Variants in NCAPD2 observed in about 807,000 individuals in gnomAD.
The protein encoded by NCAPD2 is non-SMC condensin I complex subunit D2.
NCAPD2 carries 100 observed loss-of-function variants against 164.5 expected under a neutral mutation model. That is an observed-to-expected ratio of 0.61 (90% CI 0.52 to 0.72). The LOEUF is 0.72. NCAPD2 is among the 30% of genes least tolerant of loss of function. The probability of loss-of-function intolerance (pLI) is 0.00; values close to 1 mark genes in which losing one functional copy is unlikely to be tolerated. For synonymous variants in NCAPD2, 585 were observed against 642.6 expected (o/e 0.91, Z 1.36); for missense variants, 1,560 against 1,749.2 (o/e 0.89, Z 1.93).
chr12:6,513,715 C>CTTGTTTTTTTTTTTTTTTTTTTT (rs1946171814), intron 6 of NCAPD2, among the ~76,000 whole-genome samples: 1 of 74,894 alleles, frequency 1.3e-5, no homozygotes, highest in East Asian at 2.8e-4. Context: ...GTGACTTTGT[C>CTTGTTTTTTTTTTTTTTTTTTTT]TTTTTTTTTT....
chr12:6,531,416 G>A lies in NCAPD2; in HGVS notation c.*4G>A, dbSNP rs371000555. The A allele has an allele frequency of 6.8e-6, 11 of 1,613,112 alleles. No homozygotes were observed. Among genetic ancestry groups the A allele is most frequent in the Non-Finnish European group, 8.5e-6 (10 of 1,179,604 alleles). On this transcript the variant is annotated 3_prime_UTR_variant, in exon 32 of 32. Coordinates refer to ENST00000315579, the MANE Select transcript of NCAPD2 (RefSeq NM_014865.4). The surrounding 1 kb of genome is among the most constrained non-coding windows in gnomAD (Gnocchi z 4.1). ...GGCTCGCAGGCACAGATCCTAGGAA[G>A]TCTGTTCCTGTCCTCCCTGTGCAGG...
chr12:6,498,711 G>A (rs1010081787), intron 2 of NCAPD2, among the ~76,000 whole-genome samples: 10 of 151,874 alleles, frequency 6.6e-5, no homozygotes, highest in African/African-American at 2.4e-4. Flanking sequence ...AGGTTCAAGA[G>A]ATTCCCCTGC....
chr12:6,497,562 G>T (rs559257193), intron 2 of NCAPD2, among the ~76,000 whole-genome samples: 217 of 152,090 alleles, frequency 1.4e-3, no homozygotes, highest in African/African-American at 4.8e-3. Context: ...TTGGTTTTCT[G>T]TTCTTGCATT....
chr12:6,500,601 A>G (rs1055357478), intron 2 of NCAPD2, among the ~76,000 whole-genome samples: 2 of 152,222 alleles, frequency 1.3e-5, no homozygotes, highest in African/African-American at 2.4e-5. Flanking sequence ...GGAGCTTATT[A>G]GAAATGCAGG....
At chr12:6,510,293 A>C (rs545975469) in intron 4 of NCAPD2, 160 bp downstream of exon 4, 11 of 860,570 alleles carry the variant, frequency 1.3e-5, no homozygotes, top group Non-Finnish European at 2.2e-5. Flanking sequence ...GGCCTGTTAA[A>C]GGTCTGTAAT....
chr12:6,528,592 A>G lies in NCAPD2; in HGVS notation c.3300-87A>G, dbSNP rs1946339361. 7.0e-7 allele frequency: 1 copy of G among 1,430,926 alleles called. No individual in the cohort carries two copies. The highest frequency in any genetic ancestry group is 1.3e-5 in the South Asian group (1 of 79,692). 88.6% of individuals were successfully genotyped at this position (1,430,926 alleles called of 1,614,324 possible). A position where few individuals can be genotyped will look rare whatever the true frequency, so the allele number is the denominator to read the frequency against. On this transcript the variant is annotated intron_variant, in intron 25 of 31. Coordinates refer to ENST00000315579, the MANE Select transcript of NCAPD2 (RefSeq NM_014865.4). This position sits in a 1 kb window ranked among gnomAD's most constrained non-coding sequence, Gnocchi z 5.1. ...CTTCTGGAGTGGCAGAGCATGGGAT[A>G]ATTGATTCCTGCTGAGGGCCTTTTC...
intron 2 of NCAPD2, among the ~76,000 whole-genome samples, chr12:6,498,565 T>C (rs1316303678): frequency 6.6e-6 from 1 of 152,140 alleles, no homozygotes; most frequent in Non-Finnish European, 1.5e-5. Flanking sequence ...TGCCTACCTA[T>C]GGTAATGTTT....
chr12:6,525,130 C>T lies in NCAPD2; in HGVS notation c.2215-453C>T, dbSNP rs145552796. On this transcript the variant is annotated intron_variant, in intron 17 of 31. Transcript: ENST00000315579. ...ACTGCAGAATGGGCTTAATGGAAGACAAATTTTTAAAGGAAAAATAGTGAC... is the reference window on the plus strand; with the variant it reads ...ACTGCAGAATGGGCTTAATGGAAGATAAATTTTTAAAGGAAAAATAGTGAC... 4.3e-3 allele frequency among the ~76,000 whole-genome samples: 657 copies of T among 152,094 alleles called. 1 individual carries two copies. The highest frequency in any genetic ancestry group is 0.01 in the Middle Eastern group (3 of 294).
Position 6,527,078 on chromosome 12 carries a change from T to G in NCAPD2, c.2907+15T>G, listed in dbSNP as rs1946324517. 1 of 1,594,392 alleles carries G rather than the reference T, an allele frequency of 6.3e-7. No individual in the cohort carries two copies. The highest frequency in any genetic ancestry group is 2.2e-5 in the East Asian group (1 of 44,504). On this transcript the variant is annotated intron_variant, in intron 22 of 31. Transcript: ENST00000315579. ...CCAAGGAGAAGGTGTGTGAATGTCC[T>G]CAGCACTTCCCAGATTTATTTCATA... is the stretch of plus-strand genomic sequence containing the variant.
chr12:6,499,050 ATG>A (rs1946010114), intron 2 of NCAPD2, among the ~76,000 whole-genome samples: 1 of 152,100 alleles, frequency 6.6e-6, no homozygotes, highest in Non-Finnish European at 1.5e-5. Flanking sequence ...GTGGCTACTA[ATG>A]GGTGAGTAGG....
chr12:6,495,303 G>T (rs777861707), intron 2 of NCAPD2, 78 bp downstream of exon 2: 78 of 1,540,564 alleles, frequency 5.1e-5, no homozygotes, highest in Non-Finnish European at 6.1e-5. Flanking sequence ...TGTCATTTCT[G>T]TTCCACTACA....
At chr12:6,508,251 G>T (rs1390872065) in intron 2 of NCAPD2, among the ~76,000 whole-genome samples, 1 of 152,078 alleles carries the variant, frequency 6.6e-6, no homozygotes, top group Non-Finnish European at 1.5e-5. Context: ...CAGTAGGATC[G>T]CCTGAGCCCA....
At position 6,531,264 on chromosome 12, in the gene NCAPD2, A is replaced by C; in HGVS notation, c.4121-63A>C. On this transcript the variant is annotated intron_variant, in intron 31 of 31. Coordinates refer to ENST00000315579, the MANE Select transcript of NCAPD2 (RefSeq NM_014865.4). This position sits in a 1 kb window ranked among gnomAD's most constrained non-coding sequence, Gnocchi z 4.1. ...GTGGGATTGTCTCACTTGTTCTCTG[A>C]TATCTATTTTTTCACCATCTTTGTG... 6.5e-7 allele frequency: 1 copy of C among 1,543,058 alleles called. No individual in the cohort carries two copies. Among genetic ancestry groups the C allele is most frequent in the Non-Finnish European group, 8.9e-7 (1 of 1,122,180 alleles).
At chr12:6,505,257 G>A (rs1946088594) in intron 2 of NCAPD2, among the ~76,000 whole-genome samples, 1 of 152,040 alleles carries the variant, frequency 6.6e-6, no homozygotes, top group Admixed American at 6.6e-5. Flanking sequence ...GTAGAGACAG[G>A]GTTTCCCCAT....
intron 17 of NCAPD2, among the ~76,000 whole-genome samples, 194 bp from the exon 18 acceptor site, chr12:6,525,389 G>T (rs1253629693): frequency 6.6e-6 from 1 of 152,108 alleles, no homozygotes. Context: ...AGTTTTGAAG[G>T]CATGAGAGTA....
At chr12:6,501,541 G>GA (rs1439688302) in intron 2 of NCAPD2, among the ~76,000 whole-genome samples, 1 of 152,190 alleles carries the variant, frequency 6.6e-6, no homozygotes, top group African/African-American at 2.4e-5. Context: ...CATTTACTGA[G>GA]ATGGGGTAGC....
At chr12:6,522,157 C>A (rs1946269401) in intron 15 of NCAPD2, 120 bp downstream of exon 15, 1 of 1,128,626 alleles carries the variant, frequency 8.9e-7, no homozygotes, top group South Asian at 1.6e-5. Context: ...TGGTCTCCAA[C>A]TCCTGGGCTC....
At chr12:6,515,523 C>G (rs576196606) in intron 9 of NCAPD2, among the ~76,000 whole-genome samples, 1 of 152,122 alleles carries the variant, frequency 6.6e-6, no homozygotes, top group Admixed American at 6.5e-5. Flanking sequence ...CAGGATAAAG[C>G]GTCTTCCCAC....
At chr12:6,530,541 G>A in intron 29 of NCAPD2, 150 bp from the exon 30 acceptor site, 2 of 964,826 alleles carry the variant, frequency 2.1e-6, no homozygotes, top group Non-Finnish European at 3.0e-6. Flanking sequence ...TTTCCAGAAT[G>A]TATCATTGGA....
Sources: gnomAD v4.1 joint callset for allele counts (sites outside exome capture counted in the v4.1 genomes callset) on GRCh38, gnomAD v4.1.1 for gene constraint, Gnocchi (gnomAD v3.1) non-coding constraint, MANE v1.5 for transcripts, NCBI Gene and HGNC (gene_info 2026-07-23, HGNC 2026-07-21) for gene names.